Variants in SRRM3 observed in about 807,000 individuals in gnomAD.
The protein encoded by SRRM3 is serine/arginine repetitive matrix 3.
In SRRM3, 27 loss-of-function variants were observed where a neutral mutation model predicts 66.2. The ratio of observed to expected loss-of-function variants is 0.41; its 90% CI spans 0.30 to 0.56. The LOEUF is 0.56. Ranked by LOEUF, SRRM3 falls within the 20% of genes least tolerant of loss-of-function variation. The pLI is 0.32. For missense variants in SRRM3, 918 were observed against 991.9 expected, an observed-to-expected ratio of 0.93 and a Z score of 1.00; for synonymous variants, 391 against 414.9, an observed-to-expected ratio of 0.94 and a Z score of 0.70.
At chr7:76,284,362 G>A (rs1437333392) in intron 14 of SRRM3, among the ~76,000 whole-genome samples, 1 of 151,938 alleles carries the variant, frequency 6.6e-6, no homozygotes, top group African/African-American at 2.4e-5. Flanking sequence ...ATTTTTAGTA[G>A]AGACGGGGTT....
chr7:76,242,198 T>C (rs1801316493), intron 2 of SRRM3, among the ~76,000 whole-genome samples: 1 of 152,106 alleles, frequency 6.6e-6, no homozygotes, highest in Non-Finnish European at 1.5e-5. Context: ...GAAGAAAATT[T>C]TTCTGGCTGG....
intron 6 of SRRM3, among the ~76,000 whole-genome samples, chr7:76,261,140 T>C: frequency 6.6e-6 from 1 of 151,380 alleles, no homozygotes; most frequent in African/African-American, 2.4e-5. Context: ...GTCCCCACAA[T>C]TGTGGGGACA....
At chr7:76,232,267 T>C (rs1801034451) in intron 1 of SRRM3, among the ~76,000 whole-genome samples, 1 of 151,918 alleles carries the variant, frequency 6.6e-6, no homozygotes, top group Non-Finnish European at 1.5e-5. Context: ...GAGTGGTGGC[T>C]CATGCCTGTA....
intron 1 of SRRM3, among the ~76,000 whole-genome samples, chr7:76,221,281 C>A (rs1357627900): frequency 6.6e-6 from 1 of 151,630 alleles, no homozygotes; most frequent in African/African-American, 2.4e-5. Context: ...TCTCGAACTC[C>A]TGACCTCAGG....
intron 3 of SRRM3, among the ~76,000 whole-genome samples, chr7:76,249,254 C>T (rs1424259916): frequency 6.6e-6 from 1 of 152,028 alleles, no homozygotes; most frequent in African/African-American, 2.4e-5. Context: ...GGCATGGTGG[C>T]CTGGGCCTGT....
At chr7:76,275,514 A>AAAG (rs1802325839) in intron 11 of SRRM3, among the ~76,000 whole-genome samples, 1 of 151,620 alleles carries the variant, frequency 6.6e-6, no homozygotes, top group Non-Finnish European at 1.5e-5. Context: ...AAAAAAAAAA[A>AAAG]AAAGAAAAGA....
At chr7:76,242,553 A>G (rs7782880) in intron 2 of SRRM3, among the ~76,000 whole-genome samples, 55,770 of 151,086 alleles carry the variant, frequency 0.37, 12,406 homozygotes, top group African/African-American at 0.6. Flanking sequence ...AGGATGATTC[A>G]AGCACATTGC....
chr7:76,256,643 G>A (rs114421508), intron 3 of SRRM3, among the ~76,000 whole-genome samples: 1,970 of 152,012 alleles, frequency 0.013, 45 homozygotes, highest in African/African-American at 0.045. Context: ...GACTACAAAG[G>A]GTAACTTCCT....
At chr7:76,249,410 T>G (rs1801518991) in intron 3 of SRRM3, among the ~76,000 whole-genome samples, 1 of 149,938 alleles carries the variant, frequency 6.7e-6, no homozygotes, top group Non-Finnish European at 1.5e-5. Context: ...ATGGCTTTGC[T>G]GAGGTCACGC....
At chr7:76,244,576 T>G (rs1167833459) in intron 2 of SRRM3, among the ~76,000 whole-genome samples, 2 of 150,354 alleles carry the variant, frequency 1.3e-5, no homozygotes. Context: ...GTGATGCTTC[T>G]TACCCAACCA....
chr7:76,270,749 G>C (rs1802186878), intron 11 of SRRM3, among the ~76,000 whole-genome samples: 1 of 151,996 alleles, frequency 6.6e-6, no homozygotes, highest in Admixed American at 6.6e-5. Context: ...GGGAGGCAGA[G>C]GTTGCAGTGA....
intron 8 of SRRM3, among the ~76,000 whole-genome samples, chr7:76,263,470 G>T (rs1175041607): frequency 6.6e-6 from 1 of 152,212 alleles, no homozygotes; most frequent in Non-Finnish European, 1.5e-5. Flanking sequence ...TGCTGGGTTG[G>T]GGGGCTTGCC....
Position 76,260,874 on chromosome 7 carries a change from CA to C in SRRM3, c.551del (p.Lys184ArgfsTer23), listed in dbSNP as rs1554608587. On this transcript the variant is annotated frameshift_variant and splice_region_variant, in exon 6 of 15. Coordinates refer to ENST00000611745, the MANE Select transcript of SRRM3 (RefSeq NM_001110199.3). LOFTEE classifies it high-confidence loss of function. The part of the protein sequence containing the change: ...KKKGGHRRSR[K>X]KRRLESECSC... Reference sequence around the variant, plus strand: ...CTTTCTTCCTGGCATCTGCCCTCAGCAAAAAGAGGAGACTGGAGTCCGAATG... The same window carrying C: ...CTTTCTTCCTGGCATCTGCCCTCAGCAAAAGAGGAGACTGGAGTCCGAATG... 1 of 1,560,296 alleles carries C rather than the reference CA, an allele frequency of 6.4e-7. No individual in the cohort carries two copies.
chr7:76,231,603 G>A (rs1801018509), intron 1 of SRRM3, among the ~76,000 whole-genome samples: 2 of 152,242 alleles, frequency 1.3e-5, no homozygotes, highest in African/African-American at 4.8e-5. Flanking sequence ...CGCGCCTCTT[G>A]CATTGCCTGG....
chr7:76,235,259 C>T lies in SRRM3; in HGVS notation c.193C>T (p.Leu65Phe). 6.5e-7 allele frequency: 1 copy of T among 1,539,732 alleles called. No homozygotes were observed. The highest frequency in any genetic ancestry group is 8.7e-7 in the Non-Finnish European group (1 of 1,150,740). The change falls in exon 2 of 15, where the codon CTC (leucine) becomes TTC (phenylalanine). Residue 65 changes from leucine to phenylalanine, a missense_variant. Transcript: ENST00000611745. ...LDHERKRRVE[L>F]KCMELQEMME... ...CCACGAGCGCAAGCGGCGGGTGGAGCTCAAGTGCATGGAGCTGCAGGAGAT... is the reference window on the plus strand; with the variant it reads ...CCACGAGCGCAAGCGGCGGGTGGAGTTCAAGTGCATGGAGCTGCAGGAGAT...
chr7:76,264,315 C>T (rs1003503449), intron 8 of SRRM3, among the ~76,000 whole-genome samples: 3 of 152,016 alleles, frequency 2.0e-5, no homozygotes, highest in African/African-American at 7.2e-5. Context: ...TATAGGCACA[C>T]ACCACCACGC....
chr7:76,210,774 C>A (rs1375323176), intron 1 of SRRM3, among the ~76,000 whole-genome samples: 6 of 151,822 alleles, frequency 4.0e-5, no homozygotes, highest in African/African-American at 1.5e-4. Flanking sequence ...ATGGGAGGAG[C>A]AGGACAGTCC....
intron 1 of SRRM3, among the ~76,000 whole-genome samples, chr7:76,231,561 C>T (rs781837541): frequency 1.3e-5 from 2 of 152,238 alleles, no homozygotes; most frequent in African/African-American, 2.4e-5. Context: ...AGGGCTCTCA[C>T]CCGCGCCTTC....
At chr7:76,215,261 G>A (rs1208206370) in intron 1 of SRRM3, among the ~76,000 whole-genome samples, 1 of 151,672 alleles carries the variant, frequency 6.6e-6, no homozygotes, top group South Asian at 2.1e-4. Flanking sequence ...TGCATCCTAC[G>A]TTTTGGGAAG....
Sources: gnomAD v4.1 joint callset for allele counts (sites outside exome capture counted in the v4.1 genomes callset) on GRCh38, gnomAD v4.1.1 for gene constraint, MANE v1.5 for transcripts, NCBI Gene and HGNC (gene_info 2026-07-23, HGNC 2026-07-21) for gene names.